Variants in ERC2 observed in about 807,000 individuals in gnomAD.
ERC2 encodes the protein ERC protein 2.
A neutral mutation model predicts 114.8 loss-of-function variants in ERC2; 42 were observed. That is an observed-to-expected ratio of 0.37 (90% confidence interval 0.29 to 0.47). The LOEUF is 0.47. Among genes scored for constraint, ERC2 ranks in the 20% least tolerant of loss-of-function variants. ERC2 has a pLI of 0.99. For missense variants in ERC2, 939 were observed against 1,150.7 expected, an observed-to-expected ratio of 0.82 and a Z score of 2.66; for synonymous variants, 454 against 425.5, an observed-to-expected ratio of 1.07 and a Z score of -0.82.
intron 17 of ERC2, among the ~76,000 whole-genome samples, chr3:55,614,200 C>T (rs1417073921): frequency 6.6e-6 from 1 of 152,006 alleles, no homozygotes. Context: ...TGAAGCACTG[C>T]ACAAGATTTT....
intron 1 of ERC2, among the ~76,000 whole-genome samples, chr3:56,443,816 T>C (rs181024066): frequency 1.0e-3 from 153 of 152,222 alleles, no homozygotes; most frequent in Non-Finnish European, 1.6e-3. Flanking sequence ...CTTAAAACTA[T>C]TTTTAAGCTT....
chr3:56,405,489 A>G (rs1012803492), intron 2 of ERC2, among the ~76,000 whole-genome samples: 1 of 152,194 alleles, frequency 6.6e-6, no homozygotes, highest in Admixed American at 6.5e-5. Context: ...ATCAAAGTCA[A>G]TGTTCACACA....
intron 2 of ERC2, among the ~76,000 whole-genome samples, chr3:56,356,566 T>C (rs1408250442): frequency 6.6e-6 from 1 of 152,210 alleles, no homozygotes; most frequent in African/African-American, 2.4e-5. Flanking sequence ...TCTTGATTCA[T>C]TCCACCTACA....
chr3:55,720,604 A>T (rs904939399), intron 15 of ERC2, among the ~76,000 whole-genome samples: 54 of 152,048 alleles, frequency 3.6e-4, no homozygotes, highest in Admixed American at 3.3e-3. Flanking sequence ...CTTTGAAGAC[A>T]ATGTTTGCTC....
chr3:55,892,692 C>G (rs1347808096), intron 13 of ERC2, among the ~76,000 whole-genome samples: 2 of 152,130 alleles, frequency 1.3e-5, no homozygotes, highest in East Asian at 1.9e-4. Context: ...TATAATTTCT[C>G]TCTATATTTA....
intron 1 of ERC2, among the ~76,000 whole-genome samples, chr3:56,464,112 C>T (rs1471451658): frequency 6.6e-6 from 1 of 152,024 alleles, no homozygotes; most frequent in Non-Finnish European, 1.5e-5. Flanking sequence ...TTGCATTCCC[C>T]AAGAAAAAGA....
intron 7 of ERC2, among the ~76,000 whole-genome samples, chr3:56,049,229 C>A (rs986231553): frequency 6.6e-6 from 1 of 152,126 alleles, no homozygotes; most frequent in Non-Finnish European, 1.5e-5. Context: ...TGGGGGTGAG[C>A]GCATGCTAAG....
intron 13 of ERC2, among the ~76,000 whole-genome samples, chr3:55,919,509 G>T (rs1187619379): frequency 6.6e-6 from 1 of 152,154 alleles, no homozygotes; most frequent in African/African-American, 2.4e-5. Flanking sequence ...ATTGCCCAGT[G>T]ATACACATTT....
At chr3:56,227,887 G>T (rs1394729262) in intron 3 of ERC2, among the ~76,000 whole-genome samples, 2 of 152,086 alleles carry the variant, frequency 1.3e-5, no homozygotes, top group Non-Finnish European at 2.9e-5. Context: ...CATCAACAGG[G>T]GACTGGATAA....
intron 2 of ERC2, among the ~76,000 whole-genome samples, chr3:56,328,682 G>C (rs775489023): frequency 6.6e-6 from 1 of 152,122 alleles, no homozygotes; most frequent in Non-Finnish European, 1.5e-5. Context: ...CTTTGAGAGG[G>C]AGATATTATT....
At chr3:55,877,664 A>G (rs2062923936) in intron 14 of ERC2, among the ~76,000 whole-genome samples, 1 of 151,370 alleles carries the variant, frequency 6.6e-6, no homozygotes, top group Non-Finnish European at 1.5e-5. Context: ...GGTACACAAC[A>G]CCATGCCTGG....
chr3:55,550,109 G>C (rs78655052), intron 17 of ERC2, among the ~76,000 whole-genome samples: 3,724 of 151,996 alleles, frequency 0.025, 150 homozygotes, highest in African/African-American at 0.084. Context: ...ACCTTCCCTG[G>C]GCTCATGCTC....
intron 17 of ERC2, among the ~76,000 whole-genome samples, chr3:55,524,077 T>C (rs1213604314): frequency 6.6e-6 from 1 of 152,214 alleles, no homozygotes; most frequent in East Asian, 1.9e-4. Context: ...CTCCAGGTGG[T>C]TGAGAACATA....
intron 6 of ERC2, among the ~76,000 whole-genome samples, chr3:56,098,914 T>G (rs986402799): frequency 2.6e-5 from 4 of 152,188 alleles, no homozygotes; most frequent in Admixed American, 2.6e-4. Flanking sequence ...CTTGAAAAAT[T>G]GATTTAGTAC....
chr3:55,697,801 G>A (rs1237499859), intron 16 of ERC2, among the ~76,000 whole-genome samples: 2 of 151,964 alleles, frequency 1.3e-5, no homozygotes, highest in East Asian at 3.9e-4. Context: ...TGGTCTTCTA[G>A]CATGTGTGGC....
chr3:56,390,020 A>G (rs967010553), intron 2 of ERC2, among the ~76,000 whole-genome samples: 1 of 152,200 alleles, frequency 6.6e-6, no homozygotes, highest in African/African-American at 2.4e-5. Flanking sequence ...TTTAGTTAAT[A>G]ATTCCTTTTT....
At chr3:56,222,929 A>G (rs1294051740) in intron 3 of ERC2, among the ~76,000 whole-genome samples, 1 of 152,190 alleles carries the variant, frequency 6.6e-6, no homozygotes, top group East Asian at 1.9e-4. Context: ...CATCCTGGGA[A>G]CAAGCAGTTC....
rs554476715 is a variant in ERC2 at position 56,352,134 on chromosome 3, T to C, written c.658-55699A>G. ...CATTCAAGATTCATTATCCGGATAA[T>C]TACATGTCCAGATTAACATTAAAAA... On this transcript the variant is annotated intron_variant, in intron 2 of 17. Transcript: ENST00000288221. Among the ~76,000 whole-genome samples, 8 of 152,286 alleles carry C rather than the reference T, an allele frequency of 5.3e-5. No homozygotes were observed. The East Asian group carries it at 1.5e-3, about 29-fold the overall frequency.
At chr3:55,892,091 T>C (rs1481179073) in intron 13 of ERC2, among the ~76,000 whole-genome samples, 1 of 152,220 alleles carries the variant, frequency 6.6e-6, no homozygotes, top group Non-Finnish European at 1.5e-5. Context: ...AACAGGTAAA[T>C]AGGGAACCCT....
Sources: allele counts gnomAD v4.1 joint callset (sites outside exome capture counted in the v4.1 genomes callset), GRCh38; gene constraint gnomAD v4.1.1; transcripts MANE v1.5; gene names NCBI Gene and HGNC (gene_info 2026-07-23, HGNC 2026-07-21).